The following MEGF11 variants were observed in gnomAD, a reference collection of about 807,000 sequenced individuals.
MEGF11 encodes the protein multiple epidermal growth factor-like domains protein 11.
In MEGF11, 126 loss-of-function variants were observed where a neutral mutation model predicts 146.6. The ratio of observed to expected loss-of-function variants is 0.86; its 90% CI spans 0.74 to 1.00. MEGF11 has a LOEUF of 1.00. MEGF11 is among the 50% of genes least tolerant of loss of function. The pLI, the probability that MEGF11 is intolerant of heterozygous loss-of-function variation, is 0.00. For missense variants in MEGF11, 1,509 were observed against 1,521.2 expected, an observed-to-expected ratio of 0.99 and a Z score of 0.13; for synonymous variants, 532 against 583.4, an observed-to-expected ratio of 0.91 and a Z score of 1.27.
intron 5 of MEGF11, among the ~76,000 whole-genome samples, chr15:66,070,747 T>C (rs1253015621): frequency 6.6e-6 from 1 of 152,100 alleles, no homozygotes; most frequent in Non-Finnish European, 1.5e-5. Context: ...ATCTGTGGAA[T>C]GGGAATAACT....
chr15:66,127,742 C>T (rs1205442295), intron 2 of MEGF11, among the ~76,000 whole-genome samples: 1 of 152,166 alleles, frequency 6.6e-6, no homozygotes, highest in Non-Finnish European at 1.5e-5. Context: ...TCCCCCAGGA[C>T]CTAGCGCCGC....
chr15:66,133,243 C>T (rs555285126), intron 1 of MEGF11, among the ~76,000 whole-genome samples: 21 of 152,324 alleles, frequency 1.4e-4, no homozygotes, highest in East Asian at 9.6e-4. Context: ...TCAGCACCAG[C>T]GCATGTCTGC....
chr15:66,135,095 T>C (rs1383515708), intron 1 of MEGF11, among the ~76,000 whole-genome samples: 2 of 152,222 alleles, frequency 1.3e-5, no homozygotes, highest in Admixed American at 6.5e-5. Context: ...CAAGGGCTGT[T>C]AAGATAGTAA....
chr15:65,950,647 A>C (rs2080372098), intron 10 of MEGF11, among the ~76,000 whole-genome samples: 1 of 152,104 alleles, frequency 6.6e-6, no homozygotes, highest in African/African-American at 2.4e-5. Context: ...AAAAGAAACT[A>C]GGGGCACAGA....
intron 1 of MEGF11, among the ~76,000 whole-genome samples, chr15:66,189,598 G>A (rs1597142998): frequency 6.6e-6 from 1 of 152,112 alleles, no homozygotes; most frequent in Non-Finnish European, 1.5e-5. Context: ...GAGAGGGGGC[G>A]CAGGAGAGGG....
chr15:66,216,202 C>T (rs1352724383), intron 1 of MEGF11, among the ~76,000 whole-genome samples: 1 of 152,188 alleles, frequency 6.6e-6, no homozygotes, highest in Non-Finnish European at 1.5e-5. Context: ...GGTGATAGCT[C>T]AATGGCAGCT....
intron 1 of MEGF11, among the ~76,000 whole-genome samples, chr15:66,216,235 G>C (rs905356204): frequency 4.6e-5 from 7 of 152,166 alleles, no homozygotes; most frequent in African/African-American, 1.7e-4. Flanking sequence ...GAGTCTTTGG[G>C]GGAAGGATTC....
intron 5 of MEGF11, among the ~76,000 whole-genome samples, chr15:65,999,036 G>T (rs1401936669): frequency 6.8e-6 from 1 of 147,552 alleles, no homozygotes; most frequent in South Asian, 2.2e-4. Context: ...TCCTCCATGT[G>T]GGTGTCACTT....
chr15:66,024,855 C>G (rs996359664), intron 5 of MEGF11, among the ~76,000 whole-genome samples: 1 of 152,126 alleles, frequency 6.6e-6, no homozygotes, highest in Non-Finnish European at 1.5e-5. Context: ...CCCCTCCCAG[C>G]TCAGCTAAGA....
At chr15:66,138,261 ACTT>A (rs1449604293) in intron 1 of MEGF11, among the ~76,000 whole-genome samples, 2 of 152,058 alleles carry the variant, frequency 1.3e-5, no homozygotes, top group Non-Finnish European at 2.9e-5. Flanking sequence ...GACACAGGCC[ACTT>A]AGGGGAGCCT....
In MEGF11 at chr15:65,906,065, A is replaced by G. The variant is rs1384145297; in HGVS notation, c.3055+20T>C. 1.4e-5 allele frequency: 23 copies of G among 1,598,306 alleles called. No individual in the cohort carries two copies. Among genetic ancestry groups the G allele is most frequent in the Non-Finnish European group, 1.8e-5 (21 of 1,168,676 alleles). On this transcript the variant is annotated intron_variant, in intron 24 of 25. Coordinates refer to ENST00000395614, the MANE Select transcript of MEGF11 (RefSeq NM_001385028.1). The stretch of plus-strand genomic sequence containing the variant: ...CTTGCTAAGCCCTCTGTAATAAGAC[A>G]GCAGGATTGGATACTCTACCTTTGA...
intron 1 of MEGF11, among the ~76,000 whole-genome samples, chr15:66,161,983 A>G (rs1437826614): frequency 6.6e-6 from 1 of 152,240 alleles, no homozygotes; most frequent in East Asian, 1.9e-4. Context: ...CCACAAAGCA[A>G]TATTTACCTC....
At position 65,943,722 on chromosome 15, in the gene MEGF11, C is replaced by T. The variant is rs368493411; in HGVS notation, c.1288-12779G>A. On this transcript the variant is annotated intron_variant, in intron 10 of 25. Transcript: ENST00000395614. ...GGTGGTGTGACAGCTGTGGGGCAAG[C>T]TTAGCATCTGCATGTCAGACATCTG... is the stretch of plus-strand genomic sequence containing the variant. Among the ~76,000 whole-genome samples, 38 of 152,290 alleles carry T rather than the reference C, an allele frequency of 2.5e-4. No individual in the cohort carries two copies. In the East Asian group the frequency reaches 6.9e-3, roughly 28 times the overall value.
rs2078378868 is a variant in MEGF11, at chr15:65,897,439, C to G, written c.*495G>C. The G allele has an allele frequency of 6.6e-6, 1 of 152,210 alleles. No homozygotes were observed. The highest frequency in any genetic ancestry group is 1.5e-5 in the Non-Finnish European group (1 of 68,080). The allele number at this position is 152,210 out of a possible 1,614,324, so 9.4% of individuals were successfully genotyped here. On this transcript the variant is annotated 3_prime_UTR_variant, in exon 26 of 26. Coordinates refer to ENST00000395614, the MANE Select transcript of MEGF11 (RefSeq NM_001385028.1). ...TATGTACAGACATTTTAAGACTGTT[C>G]TGTTTAAGAACAGTTCATGTCTGTG... is the stretch of plus-strand genomic sequence containing the variant.
rs370562748 is a variant in MEGF11, at chr15:65,922,864, C to A, written c.1781G>T (p.Cys594Phe). The A allele has an allele frequency of 6.2e-7, 1 of 1,613,742 alleles. No individual in the cohort carries two copies. The highest frequency in any genetic ancestry group is 1.1e-5 in the South Asian group (1 of 91,058). ...GGSCSPEDGSCECAPGFRGPL... is the reference protein window; with the variant it reads ...GGSCSPEDGSFECAPGFRGPL... ...TCCTCGGAAGCCAGGGGCACACTCGCAGCTCCCATCCTCTGGGGAGCAGGA... is the reference window on the plus strand; with the variant it reads ...TCCTCGGAAGCCAGGGGCACACTCGAAGCTCCCATCCTCTGGGGAGCAGGA... The change falls in exon 14 of 26, where the codon TGC becomes TTC. Residue 594 changes from cysteine (C) to phenylalanine (F), a missense_variant. Transcript: ENST00000395614.
chr15:65,946,027 A>C (rs1368208417), intron 10 of MEGF11, among the ~76,000 whole-genome samples: 7 of 152,158 alleles, frequency 4.6e-5, no homozygotes, highest in Non-Finnish European at 2.9e-5. Flanking sequence ...TCTTCTTCCA[A>C]GGGTAGTGGT....
chr15:65,980,838 A>T lies in MEGF11; in HGVS notation c.702T>A (p.Cys234Ter). Residue 234 changes from cysteine (C) to a stop codon, truncating the protein, a stop_gained, in exon 7 of 26, where the codon TGT becomes TGA. Transcript: ENST00000395614. LOFTEE classifies it high-confidence loss of function. The part of the protein sequence containing the change: ...HGAHCELRCP[C>*]QNGGTCHHIT... ...TGTGGTGGCAGGTGCCCCCATTCTG[A>T]CAGGGGCAGCGCAGCTCACAGTGAG... is the stretch of plus-strand genomic sequence containing the variant. 2 of 1,601,598 alleles carry T rather than the reference A, an allele frequency of 1.2e-6. No homozygotes were observed. The highest frequency in any genetic ancestry group is 1.7e-6 in the Non-Finnish European group (2 of 1,174,814).
At chr15:66,194,660 C>A (rs542433877) in intron 1 of MEGF11, among the ~76,000 whole-genome samples, 3 of 118,820 alleles carry the variant, frequency 2.5e-5, no homozygotes, top group African/African-American at 9.9e-5. Context: ...TTTGGGGACT[C>A]AGGGAAGAAG....
chr15:66,152,231 G>T (rs1322825447), intron 1 of MEGF11, among the ~76,000 whole-genome samples: 1 of 152,064 alleles, frequency 6.6e-6, no homozygotes, highest in Admixed American at 6.5e-5. Flanking sequence ...AACCCACCTT[G>T]GTCTCAAGTC....
Sources: gnomAD v4.1 joint callset for allele counts (sites outside exome capture counted in the v4.1 genomes callset) on GRCh38, gnomAD v4.1.1 for gene constraint, MANE v1.5 for transcripts, NCBI Gene and HGNC (gene_info 2026-07-23, HGNC 2026-07-21) for gene names.